The following PCDHGB5 variants were observed in gnomAD, a reference collection of about 807,000 sequenced individuals.
PCDHGB5 encodes protocadherin gamma-B5.
In PCDHGB5, 48 loss-of-function variants were observed where a neutral mutation model predicts 62.9. The observed-to-expected ratio is 0.76, with a 90% confidence interval of 0.61 to 0.97. PCDHGB5 has a LOEUF of 0.97. Among genes scored for constraint, PCDHGB5 ranks in the 50% least tolerant of loss-of-function variants. The probability of loss-of-function intolerance (pLI) is 0.00; values close to 1 mark genes in which losing one functional copy is unlikely to be tolerated. For missense variants in PCDHGB5, 1,118 were observed against 1,198.6 expected, an observed-to-expected ratio of 0.93 and a Z score of 0.99; for synonymous variants, 474 against 511.2, an observed-to-expected ratio of 0.93 and a Z score of 0.98.
chr5:141,510,435 C>T (rs938448523), intron 3 of PCDHGB5, among the ~76,000 whole-genome samples: 2 of 152,108 alleles, frequency 1.3e-5, no homozygotes, highest in Non-Finnish European at 2.9e-5. Context: ...ATGGCTGCTG[C>T]CCTCCAGGAG....
rs374655655 is a variant in PCDHGB5, at chr5:141,431,023, C to A, written c.2397+30499C>A. 1 of 1,613,748 alleles carries A rather than the reference C, an allele frequency of 6.2e-7. No homozygotes were observed. The highest frequency in any genetic ancestry group is 2.2e-5 in the East Asian group (1 of 44,862). On this transcript the variant is annotated intron_variant, in intron 1 of 3. Coordinates refer to ENST00000617380, the MANE Select transcript of PCDHGB5 (RefSeq NM_018925.3). The surrounding 1 kb of genome is among the most constrained non-coding windows in gnomAD (Gnocchi z 4.8). ...GCAGCGGCAGCTTGGTCACGGCGGG[C>A]AGGATAGACCGGGAGGAGCTCTGTA...
At chr5:141,422,936 C>A (rs1428873210) in intron 1 of PCDHGB5, 2 of 1,614,260 alleles carry the variant, frequency 1.2e-6, no homozygotes, top group East Asian at 4.5e-5. Flanking sequence ...GCCCTCCCCA[C>A]AGACGGCTCC....
chr5:141,511,237 T>C lies in PCDHGB5; in HGVS notation c.*64T>C, dbSNP rs886816274. 1.9e-6 allele frequency: 3 copies of C among 1,590,378 alleles called. No homozygotes were observed. The South Asian group carries it at 3.4e-5, about 18-fold the overall frequency. ...CCAACCAGCCCAGCTTCTCCTTACC[T>C]GCACCCAGGCCTCAGAGTTTCAGGG... On this transcript the variant is annotated 3_prime_UTR_variant, in exon 4 of 4. Coordinates refer to ENST00000617380, the MANE Select transcript of PCDHGB5 (RefSeq NM_018925.3).
chr5:141,404,718 C>G (rs747745561), intron 1 of PCDHGB5: 1 of 1,614,072 alleles, frequency 6.2e-7, no homozygotes, highest in Admixed American at 1.7e-5. Context: ...TACCTGGTGA[C>G]CAAGGTGGTG....
intron 1 of PCDHGB5, chr5:141,478,721 C>A: frequency 6.5e-7 from 1 of 1,543,216 alleles, no homozygotes; most frequent in Non-Finnish European, 8.8e-7. Context: ...TGGTGGCCTG[C>A]CAGAGTGTGG....
rs561548499 is a variant in PCDHGB5, at chr5:141,414,930, C to T, written c.2397+14406C>T. On this transcript the variant is annotated intron_variant, in intron 1 of 3. Coordinates refer to ENST00000617380, the MANE Select transcript of PCDHGB5 (RefSeq NM_018925.3). ...CAGGCGTGGAGCTGGCGCCCCGCTC[C>T]GCAGAGCCCGGCTACCTGGTGACCA... 1.9e-6 allele frequency: 3 copies of T among 1,614,156 alleles called. No homozygotes were observed. The South Asian group carries it at 3.3e-5, about 18-fold the overall frequency.
intron 1 of PCDHGB5, chr5:141,409,297 T>G (rs762820320): frequency 1.9e-6 from 3 of 1,614,006 alleles, no homozygotes; most frequent in South Asian, 2.2e-5. Context: ...CAGGAATGGT[T>G]GTTGCCCTCT....
rs1561857042 is a variant in PCDHGB5, at chr5:141,432,038, C to CG, written c.2397+31518dup. 3 of 1,614,190 alleles carry CG rather than the reference C, an allele frequency of 1.9e-6. No individual in the cohort carries two copies. The highest frequency in any genetic ancestry group is 2.5e-6 in the Non-Finnish European group (3 of 1,180,032). Reference sequence around the variant, plus strand: ...CAACATCACAGTGACCGCCACTGACCGGGGAACCCCGCCCCTATCCACGGA... The same window carrying CG: ...CAACATCACAGTGACCGCCACTGACCGGGGGAACCCCGCCCCTATCCACGGA... On this transcript the variant is annotated intron_variant, in intron 1 of 3. Transcript: ENST00000617380. The surrounding 1 kb of genome is among the most constrained non-coding windows in gnomAD (Gnocchi z 6.0).
At chr5:141,435,214 A>G (rs1314928643) in intron 1 of PCDHGB5, among the ~76,000 whole-genome samples, 2 of 152,176 alleles carry the variant, frequency 1.3e-5, no homozygotes, top group South Asian at 2.1e-4. Context: ...AAGTGAATTT[A>G]CTTTCTTTCA....
intron 1 of PCDHGB5, among the ~76,000 whole-genome samples, chr5:141,492,876 G>A (rs2099744774): frequency 6.6e-6 from 1 of 152,184 alleles, no homozygotes; most frequent in African/African-American, 2.4e-5. Context: ...TCAACCCCCA[G>A]AGATACAGGC....
rs755863653 is a variant in PCDHGB5 at position 141,422,228 on chromosome 5, TG to T, written c.2397+21705del. 2.3e-5 allele frequency: 36 copies of T among 1,565,448 alleles called. No individual in the cohort carries two copies. The Middle Eastern group carries it at 8.6e-4, about 37-fold the overall frequency. ...GGAGGTCTCTTTACCACCACGACGA[TG>T]TTGATCACTGTTGTGGATGTGAATG... On this transcript the variant is annotated intron_variant, in intron 1 of 3. Transcript: ENST00000617380.
rs1270447529 is a variant in PCDHGB5 at position 141,490,526 on chromosome 5, C to A, written c.2398-4281C>A. 3 of 1,614,116 alleles carry A rather than the reference C, an allele frequency of 1.9e-6. No homozygotes were observed. Among genetic ancestry groups the A allele is most frequent in the Non-Finnish European group, 2.5e-6 (3 of 1,180,008 alleles). On this transcript the variant is annotated intron_variant, in intron 1 of 3. Transcript: ENST00000617380. This position sits in a 1 kb window ranked among gnomAD's most constrained non-coding sequence, Gnocchi z 5.4. ...ATCATCGAGCTGCTGGCCAGCGATG[C>A]TGGTTCACCTTCCCTACACAAACAT...
At chr5:141,404,888 G>A (rs778498828) in intron 1 of PCDHGB5, 9 of 1,613,762 alleles carry the variant, frequency 5.6e-6, no homozygotes, top group East Asian at 2.2e-5. Context: ...TGTGGTGGCT[G>A]TACAGGACCA....
At chr5:141,436,214 A>G (rs1242199916) in intron 1 of PCDHGB5, among the ~76,000 whole-genome samples, 5 of 152,160 alleles carry the variant, frequency 3.3e-5, no homozygotes, top group African/African-American at 7.2e-5. Context: ...AGGAAAACAA[A>G]TGACTTGGGA....
At position 141,413,701 on chromosome 5, in the gene PCDHGB5, C is replaced by T. The variant is rs764950275; in HGVS notation, c.2397+13177C>T. 1.1e-4 allele frequency: 177 copies of T among 1,613,654 alleles called. No individual in the cohort carries two copies. The Admixed American group carries it at 2.9e-3, about 27-fold the overall frequency. On this transcript the variant is annotated intron_variant, in intron 1 of 3. Coordinates refer to ENST00000617380, the MANE Select transcript of PCDHGB5 (RefSeq NM_018925.3). ...CGTGAACTCCCTGCAGAGCTATCAG[C>T]TCAGCCCCAATAAGCACTTCTCCCT...
Position 141,486,070 on chromosome 5 carries a change from T to C in PCDHGB5, c.2398-8737T>C. ...ACCTCTTTAGCCTGCACCCCACTAC[T>C]GGAAAGCTTACTCTTTTGGGGCCCC... On this transcript the variant is annotated intron_variant, in intron 1 of 3. Coordinates refer to ENST00000617380, the MANE Select transcript of PCDHGB5 (RefSeq NM_018925.3). The surrounding 1 kb of genome is among the most constrained non-coding windows in gnomAD (Gnocchi z 5.0). 6.2e-7 allele frequency: 1 copy of C among 1,614,158 alleles called. No homozygotes were observed. The highest frequency in any genetic ancestry group is 8.5e-7 in the Non-Finnish European group (1 of 1,180,010).
intron 1 of PCDHGB5, among the ~76,000 whole-genome samples, chr5:141,462,763 G>A (rs935087747): frequency 2.6e-5 from 4 of 152,036 alleles, no homozygotes; most frequent in Non-Finnish European, 4.4e-5. Context: ...TTTTCTTCCT[G>A]GCTTGGGGTC....
intron 1 of PCDHGB5, among the ~76,000 whole-genome samples, chr5:141,468,788 C>T (rs2099179417): frequency 6.6e-6 from 1 of 151,926 alleles, no homozygotes; most frequent in Admixed American, 6.6e-5. Context: ...ATGGCGTGAA[C>T]CCGGGAGGCG....
intron 1 of PCDHGB5, chr5:141,419,426 G>C: frequency 6.2e-7 from 1 of 1,613,312 alleles, no homozygotes; most frequent in Non-Finnish European, 8.5e-7. Flanking sequence ...CTTCGACCAC[G>C]AGCAGCTGCG....
Sources: gnomAD v4.1 joint callset for allele counts (sites outside exome capture counted in the v4.1 genomes callset) on GRCh38, gnomAD v4.1.1 for gene constraint, Gnocchi (gnomAD v3.1) non-coding constraint, MANE v1.5 for transcripts, NCBI Gene and HGNC (gene_info 2026-07-23, HGNC 2026-07-21) for gene names.